The following ZCCHC7 variants were observed in gnomAD, a reference collection of about 807,000 sequenced individuals.
The protein encoded by ZCCHC7 is zinc finger CCHC-type containing 7.
A neutral mutation model predicts 52.0 loss-of-function variants in ZCCHC7; 35 were observed. The ratio of observed to expected loss-of-function variants is 0.67; its 90% CI spans 0.51 to 0.89. The LOEUF (loss-of-function observed/expected upper bound fraction) is 0.89, where lower values mean the gene tolerates loss of function less well. Ranked by LOEUF, ZCCHC7 falls within the 40% of genes least tolerant of loss-of-function variation. The pLI is 0.00. For missense variants in ZCCHC7, 574 were observed against 649.1 expected (o/e 0.88, Z 1.26); for synonymous variants, 217 against 221.5 (o/e 0.98, Z 0.18).
chr9:37,264,486 G>T (rs1400693951), intron 2 of ZCCHC7, among the ~76,000 whole-genome samples: 2 of 152,006 alleles, frequency 1.3e-5, no homozygotes. Flanking sequence ...GCAGAGAATT[G>T]TGTAACTTTT....
intron 6 of ZCCHC7, among the ~76,000 whole-genome samples, chr9:37,343,689 G>A (rs973747099): frequency 6.6e-6 from 1 of 152,078 alleles, no homozygotes. Context: ...CACCTTTATT[G>A]GTGCATAACT....
At chr9:37,304,438 G>C in intron 4 of ZCCHC7, 125 bp downstream of exon 4, 1 of 1,144,308 alleles carries the variant, frequency 8.7e-7, no homozygotes, top group Admixed American at 2.4e-5. Flanking sequence ...TGGATCATGA[G>C]GTCAGGAGAT....
chr9:37,189,762 A>G (rs1822920428), intron 2 of ZCCHC7, among the ~76,000 whole-genome samples: 1 of 152,170 alleles, frequency 6.6e-6, no homozygotes, highest in Non-Finnish European at 1.5e-5. Context: ...TGTAGGCTGT[A>G]GTTCCAATGC....
intron 2 of ZCCHC7, among the ~76,000 whole-genome samples, chr9:37,286,482 A>G (rs1224104751): frequency 6.6e-6 from 1 of 151,850 alleles, no homozygotes; most frequent in African/African-American, 2.4e-5. Context: ...ACATGGTGGA[A>G]CCCCATCTCT....
chr9:37,290,481 C>T (rs1280788404), intron 2 of ZCCHC7, among the ~76,000 whole-genome samples: 3 of 152,044 alleles, frequency 2.0e-5, no homozygotes, highest in African/African-American at 7.2e-5. Context: ...CGTAGCAAAT[C>T]CCCATCTGTA....
chr9:37,236,516 C>T (rs35856121), intron 2 of ZCCHC7, among the ~76,000 whole-genome samples: 12 of 152,078 alleles, frequency 7.9e-5, no homozygotes, highest in East Asian at 3.9e-4. Context: ...CTCAGCCTCC[C>T]GAGTAGCTGG....
chr9:37,250,507 G>T (rs1826280285), intron 2 of ZCCHC7, among the ~76,000 whole-genome samples: 1 of 152,024 alleles, frequency 6.6e-6, no homozygotes, highest in Non-Finnish European at 1.5e-5. Flanking sequence ...TCACCATGTT[G>T]TCCAGACTGA....
intron 2 of ZCCHC7, among the ~76,000 whole-genome samples, chr9:37,224,358 C>T (rs1824985798): frequency 6.6e-6 from 1 of 152,050 alleles, no homozygotes; most frequent in Admixed American, 6.6e-5. Flanking sequence ...GTTTCTTCCC[C>T]TAAGATTCAG....
At chr9:37,134,353 T>A (rs1213478966) in intron 2 of ZCCHC7, among the ~76,000 whole-genome samples, 1 of 152,230 alleles carries the variant, frequency 6.6e-6, no homozygotes, top group Non-Finnish European at 1.5e-5. Flanking sequence ...TCTACTGTCC[T>A]CTGTCTTTCC....
intron 2 of ZCCHC7, among the ~76,000 whole-genome samples, chr9:37,296,929 T>TGTGTGTGTGTGTG (rs1828816304): frequency 1.8e-5 from 1 of 55,042 alleles, no homozygotes; most frequent in Non-Finnish European, 4.3e-5. Flanking sequence ...GTGTGTGTGT[T>TGTGTGTGTGTGTG]TCGTAGAGAT....
At chr9:37,211,506 GA>G (rs1253071214) in intron 2 of ZCCHC7, among the ~76,000 whole-genome samples, 1 of 150,066 alleles carries the variant, frequency 6.7e-6, no homozygotes, top group African/African-American at 2.5e-5. Flanking sequence ...TCACACTAGA[GA>G]TTTTTTTTTA....
intron 2 of ZCCHC7, among the ~76,000 whole-genome samples, chr9:37,256,883 C>T (rs1826614981): frequency 6.6e-6 from 1 of 152,146 alleles, no homozygotes; most frequent in Non-Finnish European, 1.5e-5. Context: ...TCTTTTTCAA[C>T]TGCATAACTG....
chr9:37,248,766 C>A (rs1019679861), intron 2 of ZCCHC7, among the ~76,000 whole-genome samples: 1 of 152,184 alleles, frequency 6.6e-6, no homozygotes, highest in South Asian at 2.1e-4. Context: ...TGAATACTTT[C>A]CTGATTTTAC....
At chr9:37,310,632 G>A (rs1829543876) in intron 5 of ZCCHC7, among the ~76,000 whole-genome samples, 1 of 152,166 alleles carries the variant, frequency 6.6e-6, no homozygotes, top group African/African-American at 2.4e-5. Context: ...TGTGGAGAAA[G>A]CTTACATATT....
chr9:37,156,109 C>T (rs750517309), intron 2 of ZCCHC7, among the ~76,000 whole-genome samples: 19 of 152,166 alleles, frequency 1.2e-4, no homozygotes, highest in Non-Finnish European at 4.4e-5. Context: ...GTAAGCTAAA[C>T]ATTGGGATCA....
chr9:37,307,438 C>T (rs1829379954), intron 5 of ZCCHC7, among the ~76,000 whole-genome samples: 1 of 152,006 alleles, frequency 6.6e-6, no homozygotes, highest in African/African-American at 2.4e-5. Flanking sequence ...ATTTTTCATC[C>T]TCATACCTAA....
intron 5 of ZCCHC7, among the ~76,000 whole-genome samples, chr9:37,306,991 G>A (rs908676216): frequency 2.0e-5 from 3 of 150,594 alleles, no homozygotes; most frequent in African/African-American, 7.3e-5. Flanking sequence ...GTTTCACCAT[G>A]GTCAAGCTGG....
chr9:37,224,911 G>A (rs1467244928), intron 2 of ZCCHC7, among the ~76,000 whole-genome samples: 2 of 152,090 alleles, frequency 1.3e-5, no homozygotes, highest in East Asian at 1.9e-4. Flanking sequence ...GAGCTCATGC[G>A]AAACATTTAC....
intron 2 of ZCCHC7, among the ~76,000 whole-genome samples, chr9:37,278,034 GTGTTTTGTTTTGTTTTGTTT>G (rs370369181): frequency 7.0e-6 from 1 of 142,860 alleles, no homozygotes; most frequent in Admixed American, 7.0e-5. Context: ...GTGTGTGTGT[GTGTTTTGTTTTGTTTTGTTT>G]TGTTTTGTTT....
Sources: allele counts gnomAD v4.1 joint callset (sites outside exome capture counted in the v4.1 genomes callset), GRCh38; gene constraint gnomAD v4.1.1; transcripts MANE v1.5; gene names NCBI Gene and HGNC (gene_info 2026-07-23, HGNC 2026-07-21).